The following PCDHGB2 variants were observed in gnomAD, a reference collection of about 807,000 sequenced individuals.
PCDHGB2 encodes protocadherin gamma-B2.
PCDHGB2 carries 55 observed loss-of-function variants against 59.3 expected under a neutral mutation model. The observed-to-expected ratio is 0.93, with a 90% confidence interval of 0.75 to 1.16. The LOEUF (loss-of-function observed/expected upper bound fraction) is 1.16, where lower values mean the gene tolerates loss of function less well. PCDHGB2 is among the 50% of genes most tolerant of loss of function. PCDHGB2 has a pLI of 0.00. For missense variants in PCDHGB2, 1,228 were observed against 1,198.5 expected (o/e 1.02, Z -0.36); for synonymous variants, 516 against 512.0 (o/e 1.01, Z -0.11).
At position 141,420,290 on chromosome 5, in the gene PCDHGB2, T is replaced by C. The variant is rs563124810; in HGVS notation, c.2421+57734T>C. 1.3e-5 allele frequency: 19 copies of C among 1,496,908 alleles called. No individual in the cohort carries two copies. The East Asian group carries it at 3.9e-4, about 30-fold the overall frequency. 92.7% of individuals were successfully genotyped at this position (1,496,908 alleles called of 1,614,324 possible). A position where few individuals can be genotyped will look rare whatever the true frequency, so the allele number is the denominator to read the frequency against. ...TCTTAAACAGGTAAGTATTTAAAAA[T>C]GTATTTAATCCTTTTTATATTACAA... On this transcript the variant is annotated intron_variant, in intron 1 of 3. Transcript: ENST00000522605.
rs954948864 is a variant in PCDHGB2, at chr5:141,382,821, C to T, written c.2421+20265C>T. On this transcript the variant is annotated intron_variant, in intron 1 of 3. Transcript: ENST00000522605. ...GGATTCTGAGCTCCCCTTCCTAAGACAGAGGGGTCCACCCGGATACACCCG... is the reference window on the plus strand; with the variant it reads ...GGATTCTGAGCTCCCCTTCCTAAGATAGAGGGGTCCACCCGGATACACCCG... 3.1e-6 allele frequency: 4 copies of T among 1,306,294 alleles called. No homozygotes were observed. In the African/African-American group the frequency reaches 5.9e-5, roughly 19 times the overall value. The allele number at this position is 1,306,294 out of a possible 1,614,324, so 80.9% of individuals were successfully genotyped here. A position where few individuals can be genotyped will look rare whatever the true frequency, so the allele number is the denominator to read the frequency against.
At chr5:141,372,786 TC>T in intron 1 of PCDHGB2, 1 of 1,605,598 alleles carries the variant, frequency 6.2e-7, no homozygotes, top group Non-Finnish European at 8.5e-7. Context: ...AGAAATGCCT[TC>T]TAATTCAGGC....
chr5:141,388,373 T>TA (rs1239214460), intron 1 of PCDHGB2: 2 of 1,613,980 alleles, frequency 1.2e-6, no homozygotes, highest in African/African-American at 2.7e-5. Context: ...CGGATATTGG[T>TA]AGCAACACAC....
chr5:141,456,178 A>G (rs1216202318), intron 1 of PCDHGB2, among the ~76,000 whole-genome samples: 1 of 151,926 alleles, frequency 6.6e-6, no homozygotes, highest in African/African-American at 2.4e-5. Context: ...ATTACAGAAT[A>G]ATTTCTTAAT....
intron 1 of PCDHGB2, chr5:141,371,363 T>C: frequency 3.7e-6 from 6 of 1,613,948 alleles, no homozygotes; most frequent in Non-Finnish European, 5.1e-6. Flanking sequence ...AAGCAAAGGA[T>C]GGTGGACATC....
At chr5:141,501,016 G>A (rs1042009106) in intron 2 of PCDHGB2, among the ~76,000 whole-genome samples, 7 of 151,716 alleles carry the variant, frequency 4.6e-5, no homozygotes, top group Non-Finnish European at 1.0e-4. Context: ...CTACAGGCAC[G>A]CGCCACCACG....
At chr5:141,488,620 C>A (rs1271344928) in intron 1 of PCDHGB2, among the ~76,000 whole-genome samples, 1 of 152,164 alleles carries the variant, frequency 6.6e-6, no homozygotes, top group East Asian at 1.9e-4. Context: ...CTAATCTTTT[C>A]TCTCACCTTA....
chr5:141,381,826 CTTTTTTTTTTT>C (rs770630741), intron 1 of PCDHGB2, among the ~76,000 whole-genome samples: 18 of 74,294 alleles, frequency 2.4e-4, no homozygotes, highest in African/African-American at 9.9e-4. Flanking sequence ...CTTTCTTCTT[CTTTTTTTTTTT>C]TTTTTTTTTT....
intron 2 of PCDHGB2, among the ~76,000 whole-genome samples, chr5:141,500,112 C>G (rs2099796438): frequency 6.8e-6 from 1 of 147,138 alleles, no homozygotes; most frequent in Non-Finnish European, 1.5e-5. Context: ...TGTTGAATCC[C>G]TGCCTTTTCA....
chr5:141,409,648 G>A, intron 1 of PCDHGB2: 2 of 1,613,692 alleles, frequency 1.2e-6, no homozygotes, highest in East Asian at 4.5e-5. Context: ...CGGATTTGGG[G>A]CTCAATGGCC....
chr5:141,510,847 A>C (rs1279701390), intron 3 of PCDHGB2, 100 bp from the exon 4 acceptor site: 1 of 1,595,232 alleles, frequency 6.3e-7, no homozygotes, highest in Non-Finnish European at 8.6e-7. Context: ...GTCAAGGCCC[A>C]GGGTGCTGTA....
intron 1 of PCDHGB2, chr5:141,441,702 A>G: frequency 3.2e-6 from 1 of 309,906 alleles, no homozygotes. Context: ...GCGAGCCTTC[A>G]AGCTCACGCT....
chr5:141,487,595 G>C lies in PCDHGB2; in HGVS notation c.2422-7212G>C. ...TGTTCGCCCAAGCTGCCCACCCTCT[G>C]ATCTTCTCTATGGGCTAGAGGTGAG... On this transcript the variant is annotated intron_variant, in intron 1 of 3. Coordinates refer to ENST00000522605, the MANE Select transcript of PCDHGB2 (RefSeq NM_018923.3). The surrounding 1 kb of genome is among the most constrained non-coding windows in gnomAD (Gnocchi z 5.0). 1 of 1,614,202 alleles carries C rather than the reference G, an allele frequency of 6.2e-7. No homozygotes were observed. The highest frequency in any genetic ancestry group is 8.5e-7 in the Non-Finnish European group (1 of 1,180,038).
chr5:141,457,054 T>C (rs1410535170), intron 1 of PCDHGB2, among the ~76,000 whole-genome samples: 1 of 152,242 alleles, frequency 6.6e-6, no homozygotes, highest in Non-Finnish European at 1.5e-5. Context: ...ACTTTCATGC[T>C]TCCTTTTTGC....
intron 1 of PCDHGB2, chr5:141,427,539 A>G: frequency 1.6e-6 from 1 of 632,868 alleles, no homozygotes; most frequent in Non-Finnish European, 2.9e-6. Context: ...GTACAACGTC[A>G]CCATCACTGC....
Position 141,489,072 on chromosome 5 carries a change from AC to A in PCDHGB2, c.2422-5730del. The A allele has an allele frequency of 6.3e-6, 1 of 157,708 alleles. No individual in the cohort carries two copies. The highest frequency in any genetic ancestry group is 1.2e-5 in the Non-Finnish European group (1 of 83,994). The allele number at this position is 157,708 out of a possible 1,614,324, so 9.8% of individuals were successfully genotyped here. On this transcript the variant is annotated intron_variant, in intron 1 of 3. Coordinates refer to ENST00000522605, the MANE Select transcript of PCDHGB2 (RefSeq NM_018923.3). This position sits in a 1 kb window ranked among gnomAD's most constrained non-coding sequence, Gnocchi z 4.5. ...AATTCAGCTCCCCTCCCCCCTGCCC[AC>A]CCCCGCCACTCGGTGACTAAGAACT...
At chr5:141,418,407 A>C (rs1165583519) in intron 1 of PCDHGB2, 1 of 1,613,926 alleles carries the variant, frequency 6.2e-7, no homozygotes, top group Non-Finnish European at 8.5e-7. Flanking sequence ...TTGGTGGAGA[A>C]AGACAATCCT....
Position 141,491,793 on chromosome 5 carries a change from C to T in PCDHGB2, c.2422-3014C>T, listed in dbSNP as rs2099730341. 4.0e-6 allele frequency: 6 copies of T among 1,511,410 alleles called. No individual in the cohort carries two copies. Among genetic ancestry groups the T allele is most frequent in the East Asian group, 2.5e-5 (1 of 40,660 alleles). The allele number at this position is 1,511,410 out of a possible 1,614,324, so 93.6% of individuals were successfully genotyped here. A position where few individuals can be genotyped will look rare whatever the true frequency, so the allele number is the denominator to read the frequency against. On this transcript the variant is annotated intron_variant, in intron 1 of 3. Transcript: ENST00000522605. This position sits in a 1 kb window ranked among gnomAD's most constrained non-coding sequence, Gnocchi z 6.9. ...AGGGATTGAACTTGCATCCACTCCT[C>T]TCCGGCCGGCTTGGTCGCTGGCTGC...
intron 1 of PCDHGB2, among the ~76,000 whole-genome samples, chr5:141,450,816 T>C (rs960010807): frequency 7.9e-6 from 1 of 126,568 alleles, no homozygotes; most frequent in Non-Finnish European, 1.6e-5. Context: ...ATTTATTTAA[T>C]ATTATTATTA....
Sources: gnomAD v4.1 joint callset for allele counts (sites outside exome capture counted in the v4.1 genomes callset) on GRCh38, gnomAD v4.1.1 for gene constraint, Gnocchi (gnomAD v3.1) non-coding constraint, MANE v1.5 for transcripts, NCBI Gene and HGNC (gene_info 2026-07-23, HGNC 2026-07-21) for gene names.